The following GAS7 variants were observed in gnomAD, a reference collection of about 807,000 sequenced individuals.
The protein encoded by GAS7 is growth arrest specific 7, also known as growth arrest-specific protein 7.
Under a neutral mutation model 71.1 loss-of-function variants are expected in GAS7, and 28 were observed. That is an observed-to-expected ratio of 0.39 (90% CI 0.29 to 0.54). GAS7 has a LOEUF of 0.54. GAS7 is among the 20% of genes least tolerant of loss of function. GAS7 has a pLI of 0.62. For synonymous variants in GAS7, 258 were observed against 245.8 expected (o/e 1.05, Z -0.46); for missense variants, 436 against 627.8 (o/e 0.69, Z 3.27).
At chr17:9,988,439 A>G (rs2070722298) in intron 2 of GAS7, among the ~76,000 whole-genome samples, 1 of 152,170 alleles carries the variant, frequency 6.6e-6, no homozygotes, top group Non-Finnish European at 1.5e-5. Context: ...GCCCCTGCTT[A>G]TCTCCCTTGG....
At chr17:10,058,263 C>T (rs900312798) in intron 1 of GAS7, among the ~76,000 whole-genome samples, 2 of 136,784 alleles carry the variant, frequency 1.5e-5, no homozygotes, top group African/African-American at 7.4e-5. Flanking sequence ...AAAACAAAAA[C>T]AAAAACAAAA....
intron 9 of GAS7, among the ~76,000 whole-genome samples, chr17:9,927,317 A>C (rs2068042969): frequency 1.4e-5 from 2 of 144,714 alleles, no homozygotes; most frequent in Non-Finnish European, 3.0e-5. Context: ...ACACACACAC[A>C]CACACACACA....
chr17:10,150,586 C>T (rs1010745775), intron 1 of GAS7, among the ~76,000 whole-genome samples: 1 of 48,390 alleles, frequency 2.1e-5, no homozygotes, highest in Non-Finnish European at 3.5e-5. Context: ...GAGGCTGTTA[C>T]ATTTCTTTTT....
chr17:10,036,489 G>A, intron 1 of GAS7: 2 of 1,613,410 alleles, frequency 1.2e-6, no homozygotes, highest in South Asian at 1.1e-5. Context: ...AGAGTCTTGG[G>A]TCCTGCCTGA....
intron 1 of GAS7, among the ~76,000 whole-genome samples, chr17:10,070,933 A>T (rs2073334206): frequency 6.6e-6 from 1 of 151,660 alleles, no homozygotes; most frequent in Non-Finnish European, 1.5e-5. Context: ...TTTGCCATTA[A>T]AAATGGACAA....
intron 5 of GAS7, among the ~76,000 whole-genome samples, chr17:9,953,860 T>C (rs1454016630): frequency 6.6e-6 from 1 of 152,228 alleles, no homozygotes; most frequent in Non-Finnish European, 1.5e-5. Context: ...TGGTGCAGTG[T>C]TGGGTACATA....
At chr17:10,162,444 C>T (rs943292228) in intron 1 of GAS7, among the ~76,000 whole-genome samples, 2 of 152,158 alleles carry the variant, frequency 1.3e-5, no homozygotes, top group African/African-American at 2.4e-5. Context: ...GTCCCCCCTC[C>T]CACTCATTCT....
intron 11 of GAS7, chr17:9,924,583 A>G (rs185276967): frequency 7.1e-6 from 1 of 141,308 alleles, no homozygotes; most frequent in East Asian, 2.0e-4. Flanking sequence ...TGATCCTGTA[A>G]TTTATTATTG....
intron 1 of GAS7, among the ~76,000 whole-genome samples, chr17:10,081,825 C>T (rs2073460086): frequency 6.6e-6 from 1 of 152,194 alleles, no homozygotes. Flanking sequence ...TCTGCATTTG[C>T]AAAACCTCTC....
Position 9,917,178 on chromosome 17 carries a change from G to A in GAS7, c.*50C>T, listed in dbSNP as rs980485704. On this transcript the variant is annotated 3_prime_UTR_variant, in exon 14 of 14. Coordinates refer to ENST00000432992, the MANE Select transcript of GAS7 (RefSeq NM_201433.2). ...CCACTCGGCATGGGCCCCATGGTGG[G>A]AGCCCAGCCCCCCTCCCCAGCAGGA... 8.8e-7 allele frequency: 1 copy of A among 1,130,318 alleles called. No homozygotes were observed. Among genetic ancestry groups the A allele is most frequent in the Non-Finnish European group, 1.4e-6 (1 of 738,704 alleles). The allele number at this position is 1,130,318 out of a possible 1,614,324, so 70.0% of individuals were successfully genotyped here.
At chr17:9,999,106 T>C (rs991974052) in intron 2 of GAS7, among the ~76,000 whole-genome samples, 1 of 152,258 alleles carries the variant, frequency 6.6e-6, no homozygotes, top group Non-Finnish European at 1.5e-5. Context: ...TTTCCGCTTA[T>C]GCATCAACTT....
chr17:9,930,635 C>T (rs777961516), intron 9 of GAS7, among the ~76,000 whole-genome samples: 2 of 152,320 alleles, frequency 1.3e-5, no homozygotes, highest in East Asian at 1.9e-4. Flanking sequence ...AGAAAAACCA[C>T]AAAAATTGCT....
At chr17:10,126,743 G>A (rs1345148180) in intron 1 of GAS7, among the ~76,000 whole-genome samples, 2 of 152,224 alleles carry the variant, frequency 1.3e-5, no homozygotes, top group South Asian at 2.1e-4. Context: ...AGGGTTAGGA[G>A]CCAGTCCCAG....
Position 9,969,690 on chromosome 17 carries a change from G to T in GAS7, c.458C>A (p.Thr153Asn), listed in dbSNP as rs780484695. 6.2e-7 allele frequency: 1 copy of T among 1,606,144 alleles called. No individual in the cohort carries two copies. The highest frequency in any genetic ancestry group is 1.7e-5 in the Admixed American group (1 of 59,998). ...AGGACCCCTTACCTGGGAATCACCG[G>T]TGGATTTTCGGACACTCATGTGGGC... ...ETAHMSVRKS[T>N]GDSQNLGSSS... Residue 153 changes from threonine to asparagine, a missense_variant, in exon 4 of 14, where the codon ACC (threonine) becomes AAC (asparagine). Coordinates refer to ENST00000432992, the MANE Select transcript of GAS7 (RefSeq NM_201433.2). This position sits in a 1 kb window ranked among gnomAD's most constrained non-coding sequence, Gnocchi z 5.5.
intron 3 of GAS7, among the ~76,000 whole-genome samples, chr17:9,971,756 C>A (rs1248360261): frequency 6.6e-6 from 1 of 152,190 alleles, no homozygotes; most frequent in Non-Finnish European, 1.5e-5. Context: ...GATCTACACA[C>A]TGATGTCCAA....
chr17:10,158,352 A>AAAAAAAAAC (rs2074222587), intron 1 of GAS7, among the ~76,000 whole-genome samples: 1 of 151,058 alleles, frequency 6.6e-6, no homozygotes, highest in Non-Finnish European at 1.5e-5. Context: ...AAAAAAAAAA[A>AAAAAAAAAC]AAAAAAAACA....
chr17:10,113,192 C>T (rs1410656843), intron 1 of GAS7, among the ~76,000 whole-genome samples: 1 of 152,186 alleles, frequency 6.6e-6, no homozygotes, highest in Non-Finnish European at 1.5e-5. Flanking sequence ...GTGCACGATG[C>T]TGGCAAGGCT....
intron 2 of GAS7, among the ~76,000 whole-genome samples, chr17:10,005,157 G>GTGTATGTACATGCACACATGCATGTGTA (rs1426400377): frequency 1.1e-5 from 1 of 88,336 alleles, no homozygotes. Context: ...ATGCATGCAT[G>GTGTATGTACATGCACACATGCATGTGTA]TGTGTGCGCA....
At chr17:10,170,429 G>A (rs2074327593) in intron 1 of GAS7, among the ~76,000 whole-genome samples, 1 of 152,098 alleles carries the variant, frequency 6.6e-6, no homozygotes, top group South Asian at 2.1e-4. Flanking sequence ...ACCACTCCAG[G>A]AATGCTCTGG....
Sources: gnomAD v4.1 joint callset for allele counts (sites outside exome capture counted in the v4.1 genomes callset) on GRCh38, gnomAD v4.1.1 for gene constraint, Gnocchi (gnomAD v3.1) non-coding constraint, MANE v1.5 for transcripts, NCBI Gene and HGNC (gene_info 2026-07-23, HGNC 2026-07-21) for gene names.